ANKLE1: variants seen among roughly 807,000 people sequenced by gnomAD.
ANKLE1 encodes the protein ankyrin repeat and LEM domain containing 1.
Under a neutral mutation model 56.2 loss-of-function variants are expected in ANKLE1, and 59 were observed. The ratio of observed to expected loss-of-function variants is 1.05; its 90% CI spans 0.85 to 1.30. The LOEUF is 1.30. ANKLE1 is among the 50% of genes most tolerant of loss of function. ANKLE1 has a pLI of 0.00. For missense variants in ANKLE1, 771 were observed against 816.1 expected (o/e 0.94, Z 0.67); for synonymous variants, 341 against 352.9 (o/e 0.97, Z 0.38).
chr19:17,285,609 G>T lies in ANKLE1; in HGVS notation c.1536+19G>T. 1 of 1,613,936 alleles carries T rather than the reference G, an allele frequency of 6.2e-7. No individual in the cohort carries two copies. Among genetic ancestry groups the T allele is most frequent in the Non-Finnish European group, 8.5e-7 (1 of 1,179,870 alleles). ...AAAACAGGTGTGAGGACAGGGATCA[G>T]GGTTCAGCGAGGGCAGTCGGGCCAT... On this transcript the variant is annotated intron_variant, in intron 7 of 8. Coordinates refer to ENST00000404085, the MANE Select transcript of ANKLE1 (RefSeq NM_152363.6).
chr19:17,283,370 A>T lies in ANKLE1; in HGVS notation c.606A>T (p.Lys202Asn). The change falls in exon 5 of 9, where the codon AAA becomes AAT. Residue 202 changes from lysine (K) to asparagine (N), a missense_variant. Physicochemically the swap from Lys to Asn is moderately conservative, Grantham distance 94 (BLOSUM62 0). Coordinates refer to ENST00000404085, the MANE Select transcript of ANKLE1 (RefSeq NM_152363.6). ...SLPVPLETVD[K>N]HGSSASPPGH... ...CTGTTCCCCTTGAAACTGTGGACAA[A>T]CATGGGAGCTCGGCGTCCCCTCCAG... is the stretch of plus-strand genomic sequence containing the variant. 6.2e-7 allele frequency: 1 copy of T among 1,613,664 alleles called. No homozygotes were observed. Among genetic ancestry groups the T allele is most frequent in the Non-Finnish European group, 8.5e-7 (1 of 1,179,860 alleles).
rs73509996 is a variant in ANKLE1 at position 17,282,640 on chromosome 19, T to G, written c.216-16T>G. Reference sequence around the variant, plus strand: ...AGGCTGAGTCCGCAATGACCCCTCTTGCGCTGCCGCCCCAGATCTGTCGAG... The same window carrying G: ...AGGCTGAGTCCGCAATGACCCCTCTGGCGCTGCCGCCCCAGATCTGTCGAG... On this transcript the variant is annotated splice_polypyrimidine_tract_variant and intron_variant, in intron 2 of 8. Transcript: ENST00000404085. 0.17 allele frequency: 266,021 copies of G among 1,532,858 alleles called. 24,320 individuals carry two copies. The highest frequency in any genetic ancestry group is 0.19 in the Non-Finnish European group (212,712 of 1,145,696). The allele number at this position is 1,532,858 out of a possible 1,614,324, so 95.0% of individuals were successfully genotyped here.
intron 6 of ANKLE1, among the ~76,000 whole-genome samples, chr19:17,284,977 C>T (rs537460615): frequency 6.1e-4 from 92 of 152,012 alleles, no homozygotes; most frequent in African/African-American, 2.1e-3. Flanking sequence ...GCATGAGCCC[C>T]GGCTGGCCAT....
At position 17,286,866 on chromosome 19, in the gene ANKLE1, G is replaced by A; in HGVS notation, c.*314G>A. 1 of 1,137,314 alleles carries A rather than the reference G, an allele frequency of 8.8e-7. No homozygotes were observed. The highest frequency in any genetic ancestry group is 2.7e-4 in the Middle Eastern group (1 of 3,690). 70.5% of individuals were successfully genotyped at this position (1,137,314 alleles called of 1,614,324 possible). Reference sequence around the variant, plus strand: ...TTGGAACAGTCCGGTGCTTCTGTAAGAGGCGTTTGAACCTGGGCAACTCCA... The same window carrying A: ...TTGGAACAGTCCGGTGCTTCTGTAAAAGGCGTTTGAACCTGGGCAACTCCA... On this transcript the variant is annotated 3_prime_UTR_variant, in exon 9 of 9. Transcript: ENST00000404085.
At position 17,285,475 on chromosome 19, in the gene ANKLE1, C is replaced by T. The variant is rs1432124956; in HGVS notation, c.1421C>T (p.Ala474Val). 1.2e-6 allele frequency: 2 copies of T among 1,613,888 alleles called. No individual in the cohort carries two copies. Among genetic ancestry groups the T allele is most frequent in the Non-Finnish European group, 1.7e-6 (2 of 1,179,890 alleles). Residue 474 changes from alanine to valine, a missense_variant, in exon 7 of 9, where the codon GCT (alanine) becomes GTT (valine). Ala to Val is a moderately conservative substitution (Grantham distance 64). Transcript: ENST00000404085. ...GCCCGAGCCTTCTCACTGACCCCAG[C>T]TGAGCGCCTTCAGACTTTCATCCGT... Reference protein sequence around the residue: ...LPARAFSLTPAERLQTFIRAI... With the variant: ...LPARAFSLTPVERLQTFIRAI...
At position 17,281,990 on chromosome 19, in the gene ANKLE1, C is replaced by T. The variant is rs774995440; in HGVS notation, c.62+8C>T. 95 of 1,533,948 alleles carry T rather than the reference C, an allele frequency of 6.2e-5. No homozygotes were observed. In the East Asian group the frequency reaches 2.0e-3, roughly 32 times the overall value. On this transcript the variant is annotated splice_region_variant and intron_variant, in intron 1 of 8. Coordinates refer to ENST00000404085, the MANE Select transcript of ANKLE1 (RefSeq NM_152363.6). ...GCGGGAGGAGGAGCCGTGGTGAGGGCGGGGCCGGGGGCGGGCCAGGAGTGG... is the reference window on the plus strand; with the variant it reads ...GCGGGAGGAGGAGCCGTGGTGAGGGTGGGGCCGGGGGCGGGCCAGGAGTGG...
Position 17,283,304 on chromosome 19 carries a change from G to A in ANKLE1, c.540G>A (p.Arg180=), listed in dbSNP as rs373723762. Residue 180 remains arginine (R), a synonymous_variant, in exon 5 of 9, where the codon AGG becomes AGA. Coordinates refer to ENST00000404085, the MANE Select transcript of ANKLE1 (RefSeq NM_152363.6). ...LQKQPCRGDN[R]DIGLEADPGP... ...AGCAGCCATGCAGAGGTGACAACAGGGACATTGGCTTGGAGGCTGACCCAG... is the reference window on the plus strand; with the variant it reads ...AGCAGCCATGCAGAGGTGACAACAGAGACATTGGCTTGGAGGCTGACCCAG... 9.0e-5 allele frequency: 145 copies of A among 1,613,536 alleles called. No individual in the cohort carries two copies. Among genetic ancestry groups the A allele is most frequent in the Middle Eastern group, 1.6e-4 (1 of 6,084 alleles).
Position 17,282,748 on chromosome 19 carries a change from C to T in ANKLE1, c.308C>T (p.Ala103Val), listed in dbSNP as rs751800505. 2.0e-5 allele frequency: 31 copies of T among 1,544,740 alleles called. No homozygotes were observed. Among genetic ancestry groups the T allele is most frequent in the Non-Finnish European group, 2.4e-5 (28 of 1,151,968 alleles). The change falls in exon 3 of 9, where the codon GCG (alanine) becomes GTG (valine). Residue 103 changes from alanine to valine, a missense_variant. By Grantham distance (64) the Ala-to-Val change is moderately conservative. Transcript: ENST00000404085. ...CTGCTGAGCCAAGGAGCGGACCCGG[C>T]GCTGCGCGACCAGGTTGGGAGGCAC... ...ELLLSQGADP[A>V]LRDQDGLRPL...
rs760132946 is a variant in ANKLE1 at position 17,282,686 on chromosome 19, G to C, written c.246G>C (p.Val82=). 6.5e-7 allele frequency: 1 copy of C among 1,535,342 alleles called. No individual in the cohort carries two copies. Among genetic ancestry groups the C allele is most frequent in the African/African-American group, 1.4e-5 (1 of 73,150 alleles). The change falls in exon 3 of 9, where the codon GTG becomes GTC. Residue 82 remains valine, a synonymous_variant. Transcript: ENST00000404085. ...TCGAGGCACTGACGCCGCTGCATGT[G>C]GCCGCCGCGTGGGGCTGCCGCCGCG... ...RSVEALTPLH[V]AAAWGCRRGL...
chr19:17,282,185 G>T lies in ANKLE1; in HGVS notation c.191G>T (p.Arg64Leu). 3.3e-6 allele frequency: 5 copies of T among 1,522,830 alleles called. No individual in the cohort carries two copies. The highest frequency in any genetic ancestry group is 3.5e-6 in the Non-Finnish European group (4 of 1,138,568). 94.3% of individuals were successfully genotyped at this position (1,522,830 alleles called of 1,614,324 possible). ...CTGCGTTGCCTCGGGGCCCTACTGCGCCAAGGCGGGGACCCCAACGCTCGG... is the reference window on the plus strand; with the variant it reads ...CTGCGTTGCCTCGGGGCCCTACTGCTCCAAGGCGGGGACCCCAACGCTCGG... Reference protein sequence around the residue: ...RGLRCLGALLRQGGDPNARSV... With the variant: ...RGLRCLGALLLQGGDPNARSV... Residue 64 changes from arginine to leucine, a missense_variant, in exon 2 of 9, where the codon CGC becomes CTC. Coordinates refer to ENST00000404085, the MANE Select transcript of ANKLE1 (RefSeq NM_152363.6).
rs779607023 is a variant in ANKLE1, at chr19:17,285,646, G to T, written c.1537-35G>T. 3.1e-6 allele frequency: 5 copies of T among 1,613,922 alleles called. No individual in the cohort carries two copies. In the Admixed American group the frequency reaches 5.0e-5, roughly 16 times the overall value. ...GGCAGTCGGGCCATGGGCAGGGGAG[G>T]GTATTGGGGGTGCTGACTCCTGATT... On this transcript the variant is annotated intron_variant, in intron 7 of 8. Transcript: ENST00000404085.
chr19:17,283,585 G>T lies in ANKLE1; in HGVS notation c.821G>T (p.Arg274Leu). 1.2e-6 allele frequency: 2 copies of T among 1,612,220 alleles called. No homozygotes were observed. The highest frequency in any genetic ancestry group is 1.7e-6 in the Non-Finnish European group (2 of 1,179,200). ...SQGTEAELNARLQALTLTPPN... is the reference protein window; with the variant it reads ...SQGTEAELNALLQALTLTPPN... ...GGCACGGAGGCAGAACTGAATGCCC[G>T]TCTGCAGGCCCTGACTCTGACCCCA... Residue 274 changes from arginine (R) to leucine (L), a missense_variant, in exon 5 of 9, where the codon CGT (arginine) becomes CTT (leucine). Arg to Leu is a moderately radical substitution (Grantham distance 102). Transcript: ENST00000404085.
chr19:17,284,272 C>T lies in ANKLE1; in HGVS notation c.1376+6C>T, dbSNP rs1352272608. 9.9e-6 allele frequency: 16 copies of T among 1,612,798 alleles called. No homozygotes were observed. The African/African-American group carries it at 1.5e-4, about 15-fold the overall frequency. On this transcript the variant is annotated splice_donor_region_variant and intron_variant, in intron 6 of 8. Transcript: ENST00000404085. ...TATCTGCTGCTGGACCCCAGGTACT[C>T]AGGGCAGGAAAGCCCCAGAAATAGA...
Position 17,282,144 on chromosome 19 carries a change from CCGGCA to C in ANKLE1, c.152_156del (p.Arg51ProfsTer111). 1 of 1,538,460 alleles carries C rather than the reference CCGGCA, an allele frequency of 6.5e-7. No individual in the cohort carries two copies. The highest frequency in any genetic ancestry group is 8.7e-7 in the Non-Finnish European group (1 of 1,145,376). ...CGGCTGTGCACTTGGCGGCCGGAGCCCGGCACCCGCGCGGCCTGCGTTGCCTCGGG... is the reference window on the plus strand; with the variant it reads ...CGGCTGTGCACTTGGCGGCCGGAGCCCCCGCGCGGCCTGCGTTGCCTCGGG... On this transcript the variant is annotated frameshift_variant, in exon 2 of 9. Transcript: ENST00000404085. LOFTEE classifies it high-confidence loss of function.
Position 17,284,135 on chromosome 19 carries a change from G to A in ANKLE1, c.1245G>A (p.Arg415=), listed in dbSNP as rs750088569. ...GCCTAGAACTGGCTGCAGCCCTGCG[G>A]ACGGGCTGTATTCCAGATGTCCAGG... is the stretch of plus-strand genomic sequence containing the variant. ...GHSLELAAAL[R]TGCIPDVQAD... The change falls in exon 6 of 9, where the codon CGG becomes CGA. Residue 415 remains arginine (R), a synonymous_variant. Transcript: ENST00000404085. 3 of 1,613,820 alleles carry A rather than the reference G, an allele frequency of 1.9e-6. No homozygotes were observed. In the East Asian group the frequency reaches 6.7e-5, roughly 36 times the overall value.
chr19:17,286,647 G>GGTGT lies in ANKLE1; in HGVS notation c.*136_*139dup, dbSNP rs58535756. ...AGCCCCCATCTCTGGTTTCAGAAGG[G>GGTGT]GTGTGTGTGTGTGTGTGTGTGTGTG... is the stretch of plus-strand genomic sequence containing the variant. On this transcript the variant is annotated 3_prime_UTR_variant, in exon 9 of 9. Coordinates refer to ENST00000404085, the MANE Select transcript of ANKLE1 (RefSeq NM_152363.6). 861 of 1,428,462 alleles carry GGTGT rather than the reference G, an allele frequency of 6.0e-4. 3 individuals are homozygous for GGTGT. The East Asian group carries it at 0.014, about 23-fold the overall frequency. The allele number at this position is 1,428,462 out of a possible 1,614,324, so 88.5% of individuals were successfully genotyped here.
rs539248136 is a variant in ANKLE1, at chr19:17,286,449, G to A, written c.1745G>A (p.Arg582His). 17 of 1,611,698 alleles carry A rather than the reference G, an allele frequency of 1.1e-5. No homozygotes were observed. In the African/African-American group the frequency reaches 1.2e-4, roughly 11 times the overall value. The change falls in exon 9 of 9, where the codon CGT becomes CAT. Residue 582 changes from arginine to histidine, a missense_variant. Physicochemically the swap from Arg to His is conservative, Grantham distance 29. Coordinates refer to ENST00000404085, the MANE Select transcript of ANKLE1 (RefSeq NM_152363.6). ...YGVVAGWPPA[R>H]RRRLGVHLLH... ...GTGGTGGCAGGCTGGCCACCTGCTC[G>A]TCGCCGGCGCTTGGGGGTGCACCTG...
At chr19:17,286,317 C>T in intron 8 of ANKLE1, 63 bp from the exon 9 acceptor site, 1 of 1,509,782 alleles carries the variant, frequency 6.6e-7, no homozygotes. Context: ...CTGTCACACA[C>T]TTCTGCTGGA....
At position 17,285,570 on chromosome 19, in the gene ANKLE1, C is replaced by T. The variant is rs769231913; in HGVS notation, c.1516C>T (p.His506Tyr). The change falls in exon 7 of 9, where the codon CAT (histidine) becomes TAT (tyrosine). Residue 506 changes from histidine (H) to tyrosine (Y), a missense_variant. Transcript: ENST00000404085. Reference sequence around the variant, plus strand: ...CCACCTCTGGGAGGCCCTTGGTCACCATGGGCGGTCAAGAAAACAGGTGTG... The same window carrying T: ...CCACCTCTGGGAGGCCCTTGGTCACTATGGGCGGTCAAGAAAACAGGTGTG... ...YVHLWEALGHHGRSRKQPHQA... is the reference protein window; with the variant it reads ...YVHLWEALGHYGRSRKQPHQA... 1 of 1,613,876 alleles carries T rather than the reference C, an allele frequency of 6.2e-7. No individual in the cohort carries two copies. The highest frequency in any genetic ancestry group is 1.3e-5 in the African/African-American group (1 of 75,024).
Sources: allele counts gnomAD v4.1 joint callset (sites outside exome capture counted in the v4.1 genomes callset), GRCh38; gene constraint gnomAD v4.1.1; transcripts MANE v1.5; gene names NCBI Gene and HGNC (gene_info 2026-07-23, HGNC 2026-07-21).